CSNK2A2: variants seen among roughly 807,000 people sequenced by gnomAD.
The protein encoded by CSNK2A2 is casein kinase II subunit alpha'.
In CSNK2A2, 8 loss-of-function variants were observed where a neutral mutation model predicts 54.0. The ratio of observed to expected loss-of-function variants is 0.15; its 90% CI spans 0.09 to 0.27. CSNK2A2 has a LOEUF of 0.27. CSNK2A2 is among the 10% of genes least tolerant of loss of function. CSNK2A2 has a pLI of 1.00. For synonymous variants in CSNK2A2, 141 were observed against 153.9 expected, an observed-to-expected ratio of 0.92 and a Z score of 0.62; for missense variants, 242 against 439.4, an observed-to-expected ratio of 0.55 and a Z score of 4.02.
intron 4 of CSNK2A2, among the ~76,000 whole-genome samples, chr16:58,176,503 C>T (rs954134107): frequency 6.6e-6 from 1 of 152,224 alleles, no homozygotes; most frequent in Non-Finnish European, 1.5e-5. Flanking sequence ...TAGGAGGAGA[C>T]CAAACTACAT....
At chr16:58,164,664 C>T (rs1336642539) in intron 10 of CSNK2A2, among the ~76,000 whole-genome samples, 1 of 152,142 alleles carries the variant, frequency 6.6e-6, no homozygotes, top group African/African-American at 2.4e-5. Context: ...TGATCTAACT[C>T]GGGTAAAAAC....
intron 5 of CSNK2A2, among the ~76,000 whole-genome samples, chr16:58,169,676 A>T (rs954606447): frequency 1.3e-5 from 2 of 152,154 alleles, no homozygotes; most frequent in African/African-American, 4.8e-5. Flanking sequence ...TTTTGTACAT[A>T]AGGGTCCCAC....
rs1160858434 is a variant in CSNK2A2 at position 58,195,406 on chromosome 16, A to T, written c.216+1327T>A. On this transcript the variant is annotated intron_variant, in intron 2 of 11. Coordinates refer to ENST00000262506, the MANE Select transcript of CSNK2A2 (RefSeq NM_001896.4). ...TCATTTTTTCTGAAAGATGATTACC[A>T]GAAAGCATAAGCCTGACCCCTCACA... 2.0e-5 allele frequency among the ~76,000 whole-genome samples: 3 copies of T among 152,232 alleles called. No individual in the cohort carries two copies. The East Asian group carries it at 5.8e-4, about 29-fold the overall frequency.
chr16:58,180,442 T>C (rs61268955), intron 4 of CSNK2A2, among the ~76,000 whole-genome samples: 10,632 of 151,134 alleles, frequency 0.07, 476 homozygotes, highest in South Asian at 0.21. Context: ...GTCAATCAAA[T>C]TGAAAGTGAA....
intron 2 of CSNK2A2, among the ~76,000 whole-genome samples, chr16:58,195,710 AG>A (rs142602566): frequency 0.087 from 13,204 of 152,270 alleles, 1,567 homozygotes; most frequent in African/African-American, 0.27. Context: ...AGTTACCAGA[AG>A]GAAAATTTAG....
Position 58,197,526 on chromosome 16 carries a change from G to T in CSNK2A2, c.104+107C>A. The T allele has an allele frequency of 1.8e-6, 1 of 565,692 alleles. No homozygotes were observed. The highest frequency in any genetic ancestry group is 2.9e-6 in the Non-Finnish European group (1 of 343,672). The allele number at this position is 565,692 out of a possible 1,614,324, so 35.0% of individuals were successfully genotyped here. A position where few individuals can be genotyped will look rare whatever the true frequency, so the allele number is the denominator to read the frequency against. The stretch of plus-strand genomic sequence containing the variant: ...GGGACCTCTGCCTCCCTGCGGGCCC[G>T]CGGAGGGGTCGGCGGGAGACACCAC... On this transcript the variant is annotated intron_variant, in intron 1 of 11. Coordinates refer to ENST00000262506, the MANE Select transcript of CSNK2A2 (RefSeq NM_001896.4). The surrounding 1 kb of genome is among the most constrained non-coding windows in gnomAD (Gnocchi z 4.0).
chr16:58,175,318 T>C (rs1291666596), intron 4 of CSNK2A2, among the ~76,000 whole-genome samples: 4 of 152,238 alleles, frequency 2.6e-5, no homozygotes, highest in African/African-American at 4.8e-5. Context: ...CTCATTATCT[T>C]TGATATCCAA....
At chr16:58,184,197 A>G (rs2142439305) in intron 4 of CSNK2A2, 63 bp downstream of exon 4, 4 of 1,307,406 alleles carry the variant, frequency 3.1e-6, no homozygotes, top group Non-Finnish European at 4.3e-6. Flanking sequence ...TGGAGTACAC[A>G]GTATTTATCA....
At chr16:58,187,639 A>G (rs1006574793) in intron 2 of CSNK2A2, among the ~76,000 whole-genome samples, 3 of 152,268 alleles carry the variant, frequency 2.0e-5, no homozygotes, top group Admixed American at 6.5e-5. Flanking sequence ...AGTCTATCAT[A>G]ATCAAGTATG....
At chr16:58,172,471 G>A (rs1961770399) in intron 5 of CSNK2A2, among the ~76,000 whole-genome samples, 1 of 152,134 alleles carries the variant, frequency 6.6e-6, no homozygotes, top group African/African-American at 2.4e-5. Flanking sequence ...CATTTTCAAA[G>A]GAGTTAAATA....
chr16:58,173,348 G>T (rs373126328), intron 5 of CSNK2A2, among the ~76,000 whole-genome samples: 1 of 152,060 alleles, frequency 6.6e-6, no homozygotes, highest in African/African-American at 2.4e-5. Context: ...TCATTTCATA[G>T]AACTGTTCTT....
At chr16:58,163,946 G>T (rs2142407180) in intron 11 of CSNK2A2, 108 bp downstream of exon 11, 1 of 876,470 alleles carries the variant, frequency 1.1e-6, no homozygotes, top group Non-Finnish European at 1.8e-6. Flanking sequence ...TTACTCTTCT[G>T]TGCATTTAGA....
chr16:58,181,879 CTAAAAGCTTCCAGAGG>C (rs1962052233), intron 4 of CSNK2A2, among the ~76,000 whole-genome samples: 1 of 151,994 alleles, frequency 6.6e-6, no homozygotes, highest in East Asian at 1.9e-4. Context: ...TGAGAAAATC[CTAAAAGCTTCCAGAGG>C]TAAAAAACAA....
chr16:58,167,997 T>A (rs995838310), intron 6 of CSNK2A2, among the ~76,000 whole-genome samples: 12 of 152,128 alleles, frequency 7.9e-5, no homozygotes, highest in African/African-American at 2.2e-4. Flanking sequence ...TTTGAAAAAA[T>A]TTTAAATTAT....
intron 5 of CSNK2A2, among the ~76,000 whole-genome samples, chr16:58,169,259 G>A (rs1481395499): frequency 1.3e-5 from 2 of 151,756 alleles, no homozygotes; most frequent in African/African-American, 4.8e-5. Flanking sequence ...GGGTGATGAG[G>A]CCAGGCACAG....
intron 2 of CSNK2A2, among the ~76,000 whole-genome samples, chr16:58,195,179 TAA>T (rs35006310): frequency 2.1e-3 from 299 of 144,638 alleles, no homozygotes; most frequent in Non-Finnish European, 2.9e-3. Context: ...TCCTGTGACT[TAA>T]AAAAAAAAAA....
rs1194205580 is a variant in CSNK2A2 at position 58,197,588 on chromosome 16, G to A, written c.104+45C>T. On this transcript the variant is annotated intron_variant, in intron 1 of 11. Coordinates refer to ENST00000262506, the MANE Select transcript of CSNK2A2 (RefSeq NM_001896.4). This position sits in a 1 kb window ranked among gnomAD's most constrained non-coding sequence, Gnocchi z 4.0. ...GCGGTTCGCAGGGGGTGGCCGGGCGGGGGCAGGGATCAGCGGGCCCGGCGG... is the reference window on the plus strand; with the variant it reads ...GCGGTTCGCAGGGGGTGGCCGGGCGAGGGCAGGGATCAGCGGGCCCGGCGG... 1.5e-6 allele frequency: 2 copies of A among 1,375,708 alleles called. No homozygotes were observed. Among genetic ancestry groups the A allele is most frequent in the Admixed American group, 4.2e-5 (2 of 47,342 alleles). 85.2% of individuals were successfully genotyped at this position (1,375,708 alleles called of 1,614,324 possible). A position where few individuals can be genotyped will look rare whatever the true frequency, so the allele number is the denominator to read the frequency against.
rs764961830 is a variant in CSNK2A2 at position 58,165,672 on chromosome 16, A to G, written c.864T>C (p.Ser288=). ...CAGGGCTGACAAGGTGTCTGTTCTC[A>G]CTATGGATAAAGTTTTCCCAGCGTT... ...SRKRWENFIH[S]ENRHLVSPEA... is the part of the protein sequence containing the mutation. The change falls in exon 10 of 12, where the codon AGT becomes AGC. Residue 288 remains serine, a synonymous_variant. Coordinates refer to ENST00000262506, the MANE Select transcript of CSNK2A2 (RefSeq NM_001896.4). 2.3e-5 allele frequency: 37 copies of G among 1,612,870 alleles called. No individual in the cohort carries two copies. Among genetic ancestry groups the G allele is most frequent in the Admixed American group, 3.4e-5 (2 of 59,564 alleles).
intron 3 of CSNK2A2, among the ~76,000 whole-genome samples, chr16:58,185,530 A>C (rs185645831): frequency 6.6e-6 from 1 of 152,294 alleles, no homozygotes; most frequent in Non-Finnish European, 1.5e-5. Context: ...CCACATACTG[A>C]CTCACATTTT....
Sources: allele counts gnomAD v4.1 joint callset (sites outside exome capture counted in the v4.1 genomes callset), GRCh38; gene constraint gnomAD v4.1.1; non-coding constraint Gnocchi (gnomAD v3.1); transcripts MANE v1.5; gene names NCBI Gene and HGNC (gene_info 2026-07-23, HGNC 2026-07-21).